ATL1: variants seen among roughly 807,000 people sequenced by gnomAD.
The protein encoded by ATL1 is atlastin GTPase 1.
ATL1 carries 31 observed loss-of-function variants against 75.5 expected under a neutral mutation model. The observed-to-expected ratio is 0.41, with a 90% confidence interval of 0.31 to 0.55. ATL1 has a LOEUF of 0.55. Among genes scored for constraint, ATL1 ranks in the 20% least tolerant of loss-of-function variants. The pLI is 0.27. For synonymous variants in ATL1, 226 were observed against 233.3 expected, an observed-to-expected ratio of 0.97 and a Z score of 0.28; for missense variants, 405 against 662.6, an observed-to-expected ratio of 0.61 and a Z score of 4.27.
chr14:50,534,228 C>T (rs1205821146), intron 1 of ATL1, among the ~76,000 whole-genome samples: 2 of 152,080 alleles, frequency 1.3e-5, no homozygotes, highest in African/African-American at 4.8e-5. Flanking sequence ...TCAGGCAGCA[C>T]ACAGAAAACA....
chr14:50,621,782 T>C (rs1243388706), intron 9 of ATL1, 61 bp from the exon 10 acceptor site: 3 of 1,056,058 alleles, frequency 2.8e-6, no homozygotes, highest in East Asian at 4.8e-5. Flanking sequence ...TGCAATTTCA[T>C]AGAATTAGAG....
intron 1 of ATL1, among the ~76,000 whole-genome samples, chr14:50,544,700 G>A (rs1048677477): frequency 9.9e-5 from 15 of 152,086 alleles, no homozygotes; most frequent in African/African-American, 3.4e-4. Context: ...TTGGGAGGCT[G>A]AGGTGGGAGG....
chr14:50,557,398 TGAATG>T (rs1325439379), upstream of ATL1, among the ~76,000 whole-genome samples: 1 of 152,214 alleles, frequency 6.6e-6, no homozygotes, highest in Non-Finnish European at 1.5e-5. Flanking sequence ...TTTTCACAGA[TGAATG>T]GATACTTTTT....
intron 1 of ATL1, among the ~76,000 whole-genome samples, chr14:50,579,838 G>A (rs543659239): frequency 5.3e-5 from 8 of 152,176 alleles, no homozygotes; most frequent in Admixed American, 1.3e-4. Flanking sequence ...TTATATCACA[G>A]AAATTGGCAA....
chr14:50,537,514 A>G (rs2038509879), intron 1 of ATL1, among the ~76,000 whole-genome samples: 2 of 152,216 alleles, frequency 1.3e-5, no homozygotes, highest in Non-Finnish European at 2.9e-5. Flanking sequence ...TCCAGATCAC[A>G]GAATGGTGGA....
At chr14:50,571,284 A>G (rs2038953059) in intron 1 of ATL1, among the ~76,000 whole-genome samples, 1 of 152,192 alleles carries the variant, frequency 6.6e-6, no homozygotes, top group Non-Finnish European at 1.5e-5. Flanking sequence ...CCTGCATTCA[A>G]GCTGCTCCAG....
intron 6 of ATL1, among the ~76,000 whole-genome samples, chr14:50,609,452 C>T (rs1264125966): frequency 2.0e-5 from 3 of 151,830 alleles, no homozygotes; most frequent in Admixed American, 6.6e-5. Context: ...TGCTACTCTG[C>T]GGCTGTTGTG....
At chr14:50,607,174 G>A (rs2039323321) in intron 6 of ATL1, among the ~76,000 whole-genome samples, 2 of 152,056 alleles carry the variant, frequency 1.3e-5, no homozygotes, top group Admixed American at 6.6e-5. Flanking sequence ...GCACCTGTAA[G>A]TCTAAGAGTC....
chr14:50,603,987 A>G (rs74673796), intron 6 of ATL1, among the ~76,000 whole-genome samples: 3,323 of 152,292 alleles, frequency 0.022, 102 homozygotes, highest in African/African-American at 0.075. Context: ...GGTACCTGAA[A>G]TGTCCAGAAG....
intron 1 of ATL1, among the ~76,000 whole-genome samples, chr14:50,544,973 A>T (rs1045427304): frequency 1.3e-5 from 2 of 150,390 alleles, no homozygotes; most frequent in African/African-American, 4.9e-5. Flanking sequence ...GAAGCCAACT[A>T]TAATGTAACA....
chr14:50,620,095 T>C (rs1288878768), intron 8 of ATL1, among the ~76,000 whole-genome samples: 1 of 151,916 alleles, frequency 6.6e-6, no homozygotes, highest in Non-Finnish European at 1.5e-5. Context: ...CCTCCTCTAC[T>C]AAAAATACAA....
chr14:50,614,625 G>A, intron 8 of ATL1, 114 bp downstream of exon 8: 2 of 1,219,704 alleles, frequency 1.6e-6, no homozygotes. Context: ...GGAGGCTGAT[G>A]ATTAGAAATT....
intron 8 of ATL1, among the ~76,000 whole-genome samples, chr14:50,616,775 G>A (rs537617305): frequency 1.3e-5 from 2 of 152,326 alleles, no homozygotes; most frequent in South Asian, 2.1e-4. Flanking sequence ...CCATTTTAAT[G>A]AGACTTTTAT....
chr14:50,557,497 G>A (rs1334958570), upstream of ATL1, among the ~76,000 whole-genome samples: 1 of 152,034 alleles, frequency 6.6e-6, no homozygotes, highest in East Asian at 1.9e-4. Flanking sequence ...AAATCACTCT[G>A]TATTAGCTTA....
At position 50,623,172 on chromosome 14, in the gene ATL1, C is replaced by A; in HGVS notation, c.1048-5C>A. ...TTTACATCATATTTTGTACTTTGTC[C>A]AAAGGCCACAGCAGAAGCTAACAAT... On this transcript the variant is annotated splice_polypyrimidine_tract_variant and splice_region_variant and intron_variant, in intron 10 of 13. Transcript: ENST00000358385. The A allele has an allele frequency of 6.2e-7, 1 of 1,613,156 alleles. No homozygotes were observed. The highest frequency in any genetic ancestry group is 8.5e-7 in the Non-Finnish European group (1 of 1,179,544).
chr14:50,614,765 C>T (rs112541178), intron 8 of ATL1, among the ~76,000 whole-genome samples: 13 of 152,242 alleles, frequency 8.5e-5, no homozygotes, highest in African/African-American at 2.9e-4. Flanking sequence ...CAGTAACCCT[C>T]ACCTTCTTAT....
chr14:50,546,947 C>T (rs565682361), intron 1 of ATL1, among the ~76,000 whole-genome samples: 1 of 152,124 alleles, frequency 6.6e-6, no homozygotes, highest in Non-Finnish European at 1.5e-5. Context: ...ATATACCCGT[C>T]ATCTACATTA....
At chr14:50,598,857 A>G (rs1240015312) in intron 6 of ATL1, among the ~76,000 whole-genome samples, 2 of 150,422 alleles carry the variant, frequency 1.3e-5, no homozygotes, top group African/African-American at 4.9e-5. Flanking sequence ...TGGGAAATAA[A>G]TGGGTTAATA....
chr14:50,629,897 G>T, intron 12 of ATL1, 98 bp from the exon 13 acceptor site: 15 of 794,018 alleles, frequency 1.9e-5, no homozygotes, highest in Non-Finnish European at 2.5e-5. Flanking sequence ...GTTCTGAAAT[G>T]CTCACAAATT....
Sources: gnomAD v4.1 joint callset for allele counts (sites outside exome capture counted in the v4.1 genomes callset) on GRCh38, gnomAD v4.1.1 for gene constraint, MANE v1.5 for transcripts, NCBI Gene and HGNC (gene_info 2026-07-23, HGNC 2026-07-21) for gene names.